Variants in BIRC6 observed in about 807,000 individuals in gnomAD.
The protein encoded by BIRC6 is dual E2 ubiquitin-conjugating enzyme/E3 ubiquitin-protein ligase BIRC6.
In BIRC6, 98 loss-of-function variants were observed where a neutral mutation model predicts 503.3. The ratio of observed to expected loss-of-function variants is 0.19; its 90% CI spans 0.17 to 0.23. BIRC6 has a LOEUF of 0.23. Ranked by LOEUF, BIRC6 falls within the 10% of genes least tolerant of loss-of-function variation. The pLI is 1.00. For synonymous variants in BIRC6, 2,240 were observed against 2,078.7 expected (o/e 1.08, Z -2.11); for missense variants, 5,360 against 5,806.0 (o/e 0.92, Z 2.50).
At chr2:32,507,829 A>G (rs2053964360) in intron 50 of BIRC6, 151 bp from the exon 51 acceptor site, 2 of 668,852 alleles carry the variant, frequency 3.0e-6, no homozygotes, top group Non-Finnish European at 4.7e-6. Flanking sequence ...GGTGAAAGTC[A>G]TTGTCAAACT....
At chr2:32,383,561 G>A (rs2038005402) in intron 3 of BIRC6, among the ~76,000 whole-genome samples, 2 of 151,554 alleles carry the variant, frequency 1.3e-5, no homozygotes, top group Non-Finnish European at 2.9e-5. Context: ...TTTTGAGATG[G>A]AGTCTCACTT....
In BIRC6 at chr2:32,388,907, C is replaced by T. The variant is rs1223870379; in HGVS notation, c.803C>T (p.Pro268Leu). 1 of 1,606,424 alleles carries T rather than the reference C, an allele frequency of 6.2e-7. No individual in the cohort carries two copies. The highest frequency in any genetic ancestry group is 1.7e-4 in the Middle Eastern group (1 of 6,050). Reference protein sequence around the residue: ...RLSYLLPSARPELGVGPGRSV... With the variant: ...RLSYLLPSARLELGVGPGRSV... ...TCTTACCTCTTACCTAGTGCACGTC[C>T]AGAACTCGGAGTGGGGCCAGGCCGT... The change falls in exon 4 of 74, where the codon CCA (proline) becomes CTA (leucine). Residue 268 changes from proline (P) to leucine (L), a missense_variant. Physicochemically the swap from Pro to Leu is moderately conservative, Grantham distance 98 (BLOSUM62 -3). Coordinates refer to ENST00000421745, the MANE Select transcript of BIRC6 (RefSeq NM_016252.4).
intron 43 of BIRC6, among the ~76,000 whole-genome samples, chr2:32,490,619 A>T (rs2051584620): frequency 6.6e-6 from 1 of 152,064 alleles, no homozygotes; most frequent in Non-Finnish European, 1.5e-5. Flanking sequence ...TACTTTGATA[A>T]TATAGTCTCA....
At chr2:32,496,300 A>G (rs1173290243) in intron 45 of BIRC6, among the ~76,000 whole-genome samples, 1 of 150,730 alleles carries the variant, frequency 6.6e-6, no homozygotes, top group East Asian at 2.0e-4. Context: ...ATTCAGACTC[A>G]CTGCAACCTC....
chr2:32,501,131 A>G (rs2053141025), intron 46 of BIRC6, among the ~76,000 whole-genome samples: 1 of 152,208 alleles, frequency 6.6e-6, no homozygotes, highest in Admixed American at 6.5e-5. Context: ...AATACATTAC[A>G]TTAAATTTTT....
At chr2:32,555,464 C>A (rs1377206047) in intron 65 of BIRC6, among the ~76,000 whole-genome samples, 3 of 151,570 alleles carry the variant, frequency 2.0e-5, no homozygotes, top group Non-Finnish European at 4.4e-5. Flanking sequence ...CACGGTGAAA[C>A]CCCGTCTCTA....
At position 32,491,537 on chromosome 2, in the gene BIRC6, A is replaced by G. The variant is rs2051705399; in HGVS notation, c.8319A>G (p.Gly2773=). The G allele has an allele frequency of 6.2e-7, 1 of 1,613,586 alleles. No individual in the cohort carries two copies. Among genetic ancestry groups the G allele is most frequent in the Admixed American group, 1.7e-5 (1 of 60,008 alleles). ...VKFLSGTSPH[G]TNQHSPQVGP... ...TTCTTTCTGGCACCAGTCCACATGG[A>G]ACAAATCAACACAGTCCACAGGTAA... Residue 2773 remains glycine, a synonymous_variant, in exon 44 of 74, where the codon GGA becomes GGG. Transcript: ENST00000421745.
chr2:32,417,730 T>C (rs72867249), intron 10 of BIRC6, among the ~76,000 whole-genome samples: 1,620 of 152,316 alleles, frequency 0.011, 14 homozygotes, highest in African/African-American at 0.021. Context: ...TGGTGAAATG[T>C]AGTGGTTAGA....
chr2:32,379,108 A>G (rs768840218), intron 2 of BIRC6: 18 of 152,210 alleles, frequency 1.2e-4, no homozygotes, highest in Admixed American at 2.6e-4. Context: ...GTAGTCTATT[A>G]TATGTTAATA....
chr2:32,446,919 C>A (rs1574268551), intron 21 of BIRC6, among the ~76,000 whole-genome samples: 2 of 120,386 alleles, frequency 1.7e-5, no homozygotes, highest in African/African-American at 6.4e-5. Flanking sequence ...GTGTTTGTGT[C>A]CCTGGGTACT....
chr2:32,475,646 T>C (rs1286106005), intron 33 of BIRC6, among the ~76,000 whole-genome samples: 2 of 152,212 alleles, frequency 1.3e-5, no homozygotes, highest in African/African-American at 2.4e-5. Flanking sequence ...TACCTTGTGA[T>C]ATTATCCTAT....
chr2:32,448,939 C>A lies in BIRC6; in HGVS notation c.4618+11C>A, dbSNP rs1345403976. On this transcript the variant is annotated intron_variant, in intron 22 of 73. Coordinates refer to ENST00000421745, the MANE Select transcript of BIRC6 (RefSeq NM_016252.4). Reference sequence around the variant, plus strand: ...CAGATGTCCTTTCAGGTAGTGATTTCTTTTATTAAAGGAAATTCTGAATGT... The same window carrying A: ...CAGATGTCCTTTCAGGTAGTGATTTATTTTATTAAAGGAAATTCTGAATGT... The A allele has an allele frequency of 6.2e-7, 1 of 1,603,582 alleles. No individual in the cohort carries two copies. The highest frequency in any genetic ancestry group is 8.5e-7 in the Non-Finnish European group (1 of 1,176,186).
rs1248303541 is a variant in BIRC6 at position 32,617,785 on chromosome 2, C to G, written c.14455C>G (p.Pro4819Ala). 1 of 1,614,042 alleles carries G rather than the reference C, an allele frequency of 6.2e-7. No individual in the cohort carries two copies. The highest frequency in any genetic ancestry group is 2.2e-5 in the East Asian group (1 of 44,886). ...LKLPCPEGLD[P>A]DTDDAPEVCR... The stretch of plus-strand genomic sequence containing the variant: ...ACTTCCCTGCCCTGAAGGCTTGGAT[C>G]CTGACACTGACGATGCCCCAGAGGT... The change falls in exon 74 of 74, where the codon CCT becomes GCT. Residue 4819 changes from proline (P) to alanine (A), a missense_variant. By Grantham distance (27) the Pro-to-Ala change is conservative. Coordinates refer to ENST00000421745, the MANE Select transcript of BIRC6 (RefSeq NM_016252.4).
intron 24 of BIRC6, among the ~76,000 whole-genome samples, 179 bp from the exon 25 acceptor site, chr2:32,464,330 T>G (rs183074672): frequency 6.6e-6 from 1 of 152,226 alleles, no homozygotes; most frequent in Non-Finnish European, 1.5e-5. Flanking sequence ...GTTAAACATT[T>G]AAAGTGTATA....
chr2:32,418,184 T>G (rs1342309545), intron 10 of BIRC6, among the ~76,000 whole-genome samples: 1 of 152,218 alleles, frequency 6.6e-6, no homozygotes, highest in Admixed American at 6.5e-5. Flanking sequence ...TCTAGTAACT[T>G]TAGACTAATG....
At chr2:32,426,535 C>T (rs796926726) in intron 10 of BIRC6, among the ~76,000 whole-genome samples, 43 of 152,292 alleles carry the variant, frequency 2.8e-4, no homozygotes, top group African/African-American at 8.9e-4. Flanking sequence ...ACCCAGGAGG[C>T]GGAGGTTGCA....
intron 61 of BIRC6, among the ~76,000 whole-genome samples, chr2:32,532,483 T>C (rs1465394024): frequency 6.6e-6 from 1 of 152,118 alleles, no homozygotes; most frequent in Non-Finnish European, 1.5e-5. Flanking sequence ...CTTGTATCTC[T>C]TTCTCCTTAT....
intron 57 of BIRC6, chr2:32,523,550 C>T (rs2055957817): frequency 1.3e-5 from 2 of 152,238 alleles, no homozygotes; most frequent in South Asian, 4.1e-4. Context: ...TTGCACCATG[C>T]ATTTGTTATG....
intron 61 of BIRC6, chr2:32,532,386 G>A (rs1180711185): frequency 2.5e-6 from 1 of 405,010 alleles, no homozygotes; most frequent in Non-Finnish European, 4.9e-6. Flanking sequence ...TCTATTGGTT[G>A]CCAGTAGTTC....
Sources: gnomAD v4.1 joint callset for allele counts (sites outside exome capture counted in the v4.1 genomes callset) on GRCh38, gnomAD v4.1.1 for gene constraint, MANE v1.5 for transcripts, NCBI Gene and HGNC (gene_info 2026-07-23, HGNC 2026-07-21) for gene names.